MTMR2: variants seen among roughly 807,000 people sequenced by gnomAD.
MTMR2 encodes myotubularin related protein 2, also known as phosphatidylinositol-3,5-bisphosphate 3-phosphatase MTMR2.
MTMR2 carries 55 observed loss-of-function variants against 86.9 expected under a neutral mutation model. That is an observed-to-expected ratio of 0.63 (90% CI 0.51 to 0.79). The LOEUF (loss-of-function observed/expected upper bound fraction) is 0.79. Ranked by LOEUF, MTMR2 falls within the 30% of genes least tolerant of loss-of-function variation. The pLI is 0.00. For missense variants in MTMR2, 659 were observed against 772.3 expected, an observed-to-expected ratio of 0.85 and a Z score of 1.74; for synonymous variants, 241 against 266.8, an observed-to-expected ratio of 0.90 and a Z score of 0.94.
intron 9 of MTMR2, among the ~76,000 whole-genome samples, 200 bp from the exon 10 acceptor site, chr11:95,848,099 T>C (rs954745769): frequency 6.6e-6 from 1 of 152,220 alleles, no homozygotes; most frequent in Admixed American, 6.5e-5. Flanking sequence ...AATGAATATA[T>C]ACGTAGTCTG....
chr11:95,862,839 T>G (rs555105), intron 3 of MTMR2, among the ~76,000 whole-genome samples: 49,744 of 152,120 alleles, frequency 0.33, 12,743 homozygotes, highest in African/African-American at 0.72. Flanking sequence ...TTCCACAAAC[T>G]CCTGATCTGA....
chr11:95,881,971 T>C (rs1021978149), intron 2 of MTMR2, among the ~76,000 whole-genome samples: 1 of 152,186 alleles, frequency 6.6e-6, no homozygotes, highest in African/African-American at 2.4e-5. Flanking sequence ...TTTATCGGGC[T>C]AAGGTTGATT....
chr11:95,853,079 T>TA (rs1864084016), intron 7 of MTMR2, among the ~76,000 whole-genome samples: 1 of 149,316 alleles, frequency 6.7e-6, no homozygotes, highest in South Asian at 2.1e-4. Context: ...CTGTACTTTT[T>TA]ATTATAGCAC....
rs587779385 is a variant in MTMR2, at chr11:95,849,857, T to G, written c.810A>C (p.Leu270Phe). The G allele has an allele frequency of 8.7e-5, 140 of 1,613,830 alleles. No individual in the cohort carries two copies. Among genetic ancestry groups the G allele is most frequent in the Non-Finnish European group, 1.1e-4 (134 of 1,179,872 alleles). Residue 270 changes from leucine to phenylalanine, a missense_variant, in exon 9 of 15, where the codon TTA becomes TTC. Leu to Phe is a conservative substitution (Grantham distance 22). Around this residue, in one of 3 missense-constraint regions of MTMR2, gnomAD observed 387 missense variants for 526.3 expected, o/e 0.74. Coordinates refer to ENST00000346299, the MANE Select transcript of MTMR2 (RefSeq NM_016156.6). Reference protein sequence around the residue: ...SFRSRGRIPVLSWIHPESQAT... With the variant: ...SFRSRGRIPVFSWIHPESQAT... The stretch of plus-strand genomic sequence containing the variant: ...CTTGACTTTCAGGATGAATCCATGA[T>G]AAAACCTTAATGAGGAAAAAATGGT...
chr11:95,911,538 A>G (rs913609840), intron 1 of MTMR2, among the ~76,000 whole-genome samples: 2 of 152,162 alleles, frequency 1.3e-5, no homozygotes, highest in Non-Finnish European at 2.9e-5. Flanking sequence ...TCACAGCCTC[A>G]GCACCCCGTT....
chr11:95,874,566 T>C (rs1865027634), intron 2 of MTMR2, among the ~76,000 whole-genome samples: 2 of 152,230 alleles, frequency 1.3e-5, no homozygotes. Flanking sequence ...AGTCTGTGTC[T>C]TTTAATTGGA....
At chr11:95,902,747 A>G (rs1434061529) in intron 1 of MTMR2, among the ~76,000 whole-genome samples, 2 of 152,170 alleles carry the variant, frequency 1.3e-5, no homozygotes, top group African/African-American at 4.8e-5. Context: ...GCCTTCTCAG[A>G]CAGAAAAATA....
In MTMR2 at chr11:95,858,622, T is replaced by G. The variant is rs1286568485; in HGVS notation, c.479A>C (p.Asn160Thr). The G allele has an allele frequency of 2.5e-6, 4 of 1,606,102 alleles. No homozygotes were observed. The highest frequency in any genetic ancestry group is 3.4e-6 in the Non-Finnish European group (4 of 1,173,174). The change falls in exon 6 of 15, where the codon AAT becomes ACT. Residue 160 changes from asparagine to threonine, a missense_variant. Transcript: ENST00000346299. ...CTCAGGTTTATGAGCAAATCGTAAATTCCTAATATCCTAGAAAAGATTTAG... is the reference window on the plus strand; with the variant it reads ...CTCAGGTTTATGAGCAAATCGTAAAGTCCTAATATCCTAGAAAAGATTTAG... ...GLETVCKDIR[N>T]LRFAHKPEGR...
intron 10 of MTMR2, among the ~76,000 whole-genome samples, chr11:95,845,941 T>C (rs780743145): frequency 6.8e-6 from 1 of 147,234 alleles, no homozygotes; most frequent in African/African-American, 2.5e-5. Flanking sequence ...AATGGCCATA[T>C]TGTATTATAC....
At chr11:95,897,419 G>GACT (rs1470758965) in intron 1 of MTMR2, among the ~76,000 whole-genome samples, 1 of 151,934 alleles carries the variant, frequency 6.6e-6, no homozygotes, top group Admixed American at 6.6e-5. Flanking sequence ...AAGACACAAA[G>GACT]ACTAAATAGA....
chr11:95,894,666 AC>A, intron 1 of MTMR2, among the ~76,000 whole-genome samples: 1 of 152,290 alleles, frequency 6.6e-6, no homozygotes, highest in East Asian at 1.9e-4. Flanking sequence ...TAAAAGTGAA[AC>A]TATCATAGAA....
At chr11:95,838,017 T>C (rs1863360369) in intron 13 of MTMR2, 77 bp downstream of exon 13, 4 of 919,600 alleles carry the variant, frequency 4.3e-6, no homozygotes, top group Middle Eastern at 4.3e-4. Context: ...TCAGTTGAAA[T>C]CTGTCACAGA....
At chr11:95,869,817 G>A (rs571001115) in intron 2 of MTMR2, among the ~76,000 whole-genome samples, 2 of 143,370 alleles carry the variant, frequency 1.4e-5, no homozygotes, top group East Asian at 3.9e-4. Flanking sequence ...ATATCGTATG[G>A]GTCCATTTAT....
intron 1 of MTMR2, among the ~76,000 whole-genome samples, chr11:95,915,202 C>T (rs78657203): frequency 0.017 from 2,572 of 152,182 alleles, 33 homozygotes; most frequent in South Asian, 0.062. Flanking sequence ...TCTTGGCTCG[C>T]TCAAGAATAT....
intron 1 of MTMR2, among the ~76,000 whole-genome samples, chr11:95,920,533 G>A (rs1866881695): frequency 6.6e-6 from 1 of 151,086 alleles, no homozygotes; most frequent in Non-Finnish European, 1.5e-5. Context: ...TAGCTGGTTA[G>A]GAAACTACTA....
Position 95,915,704 on chromosome 11 carries a change from G to A in MTMR2, c.80+8171C>T, listed in dbSNP as rs557738511. Among the ~76,000 whole-genome samples, 54 of 152,214 alleles carry A rather than the reference G, an allele frequency of 3.5e-4. 1 individual carries two copies. In the South Asian group the frequency reaches 8.9e-3, roughly 25 times the overall value. On this transcript the variant is annotated intron_variant, in intron 1 of 14. Coordinates refer to ENST00000346299, the MANE Select transcript of MTMR2 (RefSeq NM_016156.6). Reference sequence around the variant, plus strand: ...GAGAGAAAATACCTAAGTAGAACCCGATGCAACATTCTAGAAGAGGATAAA... The same window carrying A: ...GAGAGAAAATACCTAAGTAGAACCCAATGCAACATTCTAGAAGAGGATAAA...
chr11:95,923,905 G>A lies in MTMR2; in HGVS notation c.50C>T (p.Ala17Val), dbSNP rs1266517172. The A allele has an allele frequency of 3.2e-6, 5 of 1,558,542 alleles. No individual in the cohort carries two copies. The highest frequency in any genetic ancestry group is 2.4e-5 in the East Asian group (1 of 41,422). Residue 17 changes from alanine (A) to valine (V), a missense_variant, in exon 1 of 15, where the codon GCT becomes GTT. Coordinates refer to ENST00000346299, the MANE Select transcript of MTMR2 (RefSeq NM_016156.6). ...CESLGSQPAA[A>V]RPPSVDSLSS... The stretch of plus-strand genomic sequence containing the variant: ...CAAGGAGTCCACGCTGGGCGGCCGA[G>A]CCGCCGCCGGCTGGGAGCCAAGACT...
Position 95,888,248 on chromosome 11 carries a change from G to T in MTMR2, c.94C>A (p.His32Asn). 6.2e-7 allele frequency: 1 copy of T among 1,612,970 alleles called. No homozygotes were observed. The highest frequency in any genetic ancestry group is 1.1e-5 in the South Asian group (1 of 91,004). ...TTTGTATGCACTGAATTCTCTGAAT[G>T]AGAAGTGGAGGCACTACAAAATACA... ...VDSLSSASTS[H>N]SENSVHTKSA... The change falls in exon 2 of 15, where the codon CAT becomes AAT. Residue 32 changes from histidine to asparagine, a missense_variant. Physicochemically the swap from His to Asn is moderately conservative, Grantham distance 68. Around this residue, in one of 3 missense-constraint regions of MTMR2, gnomAD observed 79 missense variants for 54.4 expected, o/e 1.45. Transcript: ENST00000346299.
intron 1 of MTMR2, among the ~76,000 whole-genome samples, chr11:95,915,020 G>A (rs551361214): frequency 6.6e-6 from 1 of 152,248 alleles, no homozygotes; most frequent in Non-Finnish European, 1.5e-5. Context: ...TTATTGTTGT[G>A]TTTAATATTA....
Sources: allele counts gnomAD v4.1 joint callset (sites outside exome capture counted in the v4.1 genomes callset), GRCh38; gene constraint gnomAD v4.1.1; regional missense constraint gnomAD v4.1.1; transcripts MANE v1.5; gene names NCBI Gene and HGNC (gene_info 2026-07-23, HGNC 2026-07-21).